GPHN: variants seen among roughly 807,000 people sequenced by gnomAD.
The protein encoded by GPHN is gephyrin.
A neutral mutation model predicts 95.5 loss-of-function variants in GPHN; 17 were observed. The observed-to-expected ratio is 0.18, with a 90% CI of 0.12 to 0.27. The LOEUF (loss-of-function observed/expected upper bound fraction) is 0.27. Among genes scored for constraint, GPHN ranks in the 10% least tolerant of loss-of-function variants. The probability of loss-of-function intolerance (pLI) is 1.00; values close to 1 mark genes in which losing one functional copy is unlikely to be tolerated. For missense variants in GPHN, 660 were observed against 978.1 expected, an observed-to-expected ratio of 0.67 and a Z score of 4.34; for synonymous variants, 320 against 322.5, an observed-to-expected ratio of 0.99 and a Z score of 0.08.
chr14:67,413,597 A>G, the GPHN span, among the ~76,000 whole-genome samples: 1 of 152,178 alleles, frequency 6.6e-6, no homozygotes, highest in Admixed American at 6.5e-5. Flanking sequence ...AGCTCTTGAC[A>G]CAGTGTTGCT....
At chr14:67,275,850 A>T in the GPHN span, among the ~76,000 whole-genome samples, 1 of 152,008 alleles carries the variant, frequency 6.6e-6, no homozygotes, top group Admixed American at 6.6e-5. Context: ...TAGTCTTGGG[A>T]GGGTATATGT....
At chr14:66,856,510 C>T (rs1220962282) in intron 4 of GPHN, among the ~76,000 whole-genome samples, 16 of 152,114 alleles carry the variant, frequency 1.1e-4, no homozygotes, top group Admixed American at 9.2e-4. Context: ...AGAAGAGTAG[C>T]GTTTATGAGT....
chr14:67,336,825 TACAC>T, the GPHN span: 1 of 453,766 alleles, frequency 2.2e-6, no homozygotes, highest in South Asian at 1.6e-5. Context: ...TTACTGAATT[TACAC>T]TGAACCTAAG....
At chr14:67,376,196 T>C in the GPHN span, among the ~76,000 whole-genome samples, 1 of 152,172 alleles carries the variant, frequency 6.6e-6, no homozygotes, top group Non-Finnish European at 1.5e-5. Flanking sequence ...AGTTTCTTCT[T>C]TTTCCAGAGG....
chr14:67,542,836 G>A, the GPHN span, among the ~76,000 whole-genome samples: 2 of 152,126 alleles, frequency 1.3e-5, no homozygotes, highest in Admixed American at 1.3e-4. Flanking sequence ...GAGTAGCTGG[G>A]ACTACAGGCA....
At chr14:67,233,385 G>T in the GPHN span, among the ~76,000 whole-genome samples, 1 of 152,100 alleles carries the variant, frequency 6.6e-6, no homozygotes, top group African/African-American at 2.4e-5. Context: ...CAGGCAATCT[G>T]CCCACCTTGG....
chr14:67,247,818 A>T, the GPHN span, among the ~76,000 whole-genome samples: 1 of 152,090 alleles, frequency 6.6e-6, no homozygotes, highest in Non-Finnish European at 1.5e-5. Flanking sequence ...GGCTCAAGCG[A>T]TCTGCCCACC....
chr14:66,728,083 G>A (rs573198691), intron 2 of GPHN, among the ~76,000 whole-genome samples: 1 of 152,282 alleles, frequency 6.6e-6, no homozygotes, highest in Admixed American at 6.5e-5. Context: ...GTAAAGCTTG[G>A]GATGTGGCTT....
At chr14:66,811,201 T>G (rs563066995) in intron 3 of GPHN, among the ~76,000 whole-genome samples, 58 of 152,144 alleles carry the variant, frequency 3.8e-4, no homozygotes, top group Non-Finnish European at 7.2e-4. Flanking sequence ...ACTATGTTCA[T>G]TACTTGGGCA....
chr14:67,250,888 T>C, the GPHN span, among the ~76,000 whole-genome samples: 1 of 152,252 alleles, frequency 6.6e-6, no homozygotes, highest in Non-Finnish European at 1.5e-5. Flanking sequence ...TACTTTCTGC[T>C]TTCCCCTCTT....
At chr14:67,399,793 T>A in the GPHN span, among the ~76,000 whole-genome samples, 1 of 152,150 alleles carries the variant, frequency 6.6e-6, no homozygotes, top group African/African-American at 2.4e-5. Flanking sequence ...GTAGAGCCAA[T>A]GGGCAGAATA....
At chr14:66,622,126 A>G (rs745432321) in intron 1 of GPHN, among the ~76,000 whole-genome samples, 9 of 152,174 alleles carry the variant, frequency 5.9e-5, no homozygotes, top group Admixed American at 1.3e-4. Context: ...TGTGAAATCC[A>G]GGTGGAGGCT....
the GPHN span, chr14:67,729,418 T>C: frequency 1.3e-6 from 2 of 1,576,642 alleles, no homozygotes; most frequent in Non-Finnish European, 8.6e-7. Context: ...ACCACCTGTG[T>C]GCATGGGAGG....
At chr14:67,457,108 T>C in the GPHN span, among the ~76,000 whole-genome samples, 3 of 152,016 alleles carry the variant, frequency 2.0e-5, no homozygotes, top group African/African-American at 7.3e-5. Context: ...AAGGGAACAA[T>C]AGACACCAGG....
the GPHN span, among the ~76,000 whole-genome samples, chr14:67,708,912 C>T: frequency 1.3e-5 from 2 of 151,748 alleles, no homozygotes; most frequent in African/African-American, 4.8e-5. Context: ...CCTGCCTCAG[C>T]CTCACGAGTA....
chr14:66,533,967 G>T (rs960513962), intron 1 of GPHN, among the ~76,000 whole-genome samples: 3 of 152,098 alleles, frequency 2.0e-5, no homozygotes, highest in Non-Finnish European at 4.4e-5. Flanking sequence ...CTAGTTAGAT[G>T]ATTTATTTGA....
the GPHN span, among the ~76,000 whole-genome samples, chr14:67,300,484 C>A: frequency 9.2e-5 from 14 of 152,092 alleles, no homozygotes; most frequent in African/African-American, 2.9e-4. Context: ...CACGCCACCA[C>A]GCCTGGCTAA....
chr14:67,317,781 A>C, the GPHN span, among the ~76,000 whole-genome samples: 3 of 152,240 alleles, frequency 2.0e-5, no homozygotes, highest in African/African-American at 7.2e-5. Flanking sequence ...AGTAAAAACT[A>C]TGTCCTCTAC....
At chr14:67,347,432 T>G in the GPHN span, 1 of 1,608,460 alleles carries the variant, frequency 6.2e-7, no homozygotes, top group Admixed American at 1.7e-5. Context: ...ATGGTAATGT[T>G]CAAATACTGG....
Sources: allele counts gnomAD v4.1 joint callset (sites outside exome capture counted in the v4.1 genomes callset), GRCh38; gene constraint gnomAD v4.1.1; transcripts MANE v1.5; gene names NCBI Gene and HGNC (gene_info 2026-07-23, HGNC 2026-07-21).